The following TNRC6B variants were observed in gnomAD, a reference collection of about 807,000 sequenced individuals.
TNRC6B encodes trinucleotide repeat containing adaptor 6B, also known as trinucleotide repeat-containing gene 6B protein.
In TNRC6B, 52 loss-of-function variants were observed where a neutral mutation model predicts 203.6. The ratio of observed to expected loss-of-function variants is 0.26; its 90% CI spans 0.20 to 0.32. TNRC6B has a LOEUF of 0.32. Ranked by LOEUF, TNRC6B falls within the 10% of genes least tolerant of loss-of-function variation. TNRC6B has a pLI of 1.00. For synonymous variants in TNRC6B, 838 were observed against 845.7 expected (o/e 0.99, Z 0.16); for missense variants, 1,923 against 2,286.2 (o/e 0.84, Z 3.24).
At chr22:40,251,126 C>T in intron 2 of TNRC6B, 53 bp from the exon 3 acceptor site, 1 of 1,449,012 alleles carries the variant, frequency 6.9e-7, no homozygotes, top group Non-Finnish European at 9.3e-7. Flanking sequence ...TCTGAAAATA[C>T]AGTACTGAAT....
At chr22:40,241,288 T>C (rs142294755) in intron 1 of TNRC6B, among the ~76,000 whole-genome samples, 27 of 152,324 alleles carry the variant, frequency 1.8e-4, no homozygotes, top group African/African-American at 6.5e-4. Context: ...AAAAAGAACA[T>C]TCTGGTGTAA....
intron 1 of TNRC6B, among the ~76,000 whole-genome samples, chr22:40,201,735 A>G (rs902682452): frequency 2.0e-5 from 3 of 151,974 alleles, no homozygotes; most frequent in Non-Finnish European, 4.4e-5. Flanking sequence ...TCCATTTTCA[A>G]ATACAGGTTG....
chr22:40,051,120 G>C (rs60376299), intron 1 of TNRC6B, among the ~76,000 whole-genome samples: 6,745 of 152,236 alleles, frequency 0.044, 453 homozygotes, highest in African/African-American at 0.15. Flanking sequence ...ACCGCACCCA[G>C]CCTATCCTGT....
chr22:40,275,630 T>TC (rs779962789), intron 7 of TNRC6B, among the ~76,000 whole-genome samples: 7 of 151,998 alleles, frequency 4.6e-5, no homozygotes, highest in Non-Finnish European at 1.0e-4. Flanking sequence ...AACTCCCCAT[T>TC]CCCCCCTCCC....
At chr22:40,256,829 G>A (rs1346926717) in intron 3 of TNRC6B, among the ~76,000 whole-genome samples, 2 of 152,216 alleles carry the variant, frequency 1.3e-5, no homozygotes, top group East Asian at 1.9e-4. Flanking sequence ...GAAATGGGAG[G>A]GAGGGAATGA....
intron 12 of TNRC6B, among the ~76,000 whole-genome samples, chr22:40,297,105 T>A (rs549251841): frequency 3.0e-4 from 46 of 152,352 alleles, no homozygotes; most frequent in African/African-American, 1.0e-3. Flanking sequence ...ATACATTCCC[T>A]TCATTGATTG....
chr22:40,065,121 G>A (rs2067885088), intron 1 of TNRC6B, among the ~76,000 whole-genome samples: 1 of 151,694 alleles, frequency 6.6e-6, no homozygotes, highest in Non-Finnish European at 1.5e-5. Context: ...GGGTGGGGGT[G>A]GAGGGAGGGT....
intron 1 of TNRC6B, among the ~76,000 whole-genome samples, chr22:40,065,619 T>C (rs1013009034): frequency 6.6e-6 from 1 of 152,192 alleles, no homozygotes; most frequent in African/African-American, 2.4e-5. Flanking sequence ...TTTTATTGGA[T>C]GCTAAACTTT....
At chr22:40,316,445 TG>T (rs1569067511) in intron 21 of TNRC6B, among the ~76,000 whole-genome samples, 1 of 151,946 alleles carries the variant, frequency 6.6e-6, no homozygotes, top group Non-Finnish European at 1.5e-5. Context: ...GCGAGAGGAT[TG>T]CTTGAAGCCA....
In TNRC6B at chr22:40,270,215, A is replaced by T. The variant is rs759473882; in HGVS notation, c.2900A>T (p.Asp967Val). 1.6e-5 allele frequency: 24 copies of T among 1,539,548 alleles called. No homozygotes were observed. Among genetic ancestry groups the T allele is most frequent in the Non-Finnish European group, 2.0e-5 (23 of 1,139,966 alleles). Residue 967 changes from aspartate (D) to valine (V), a missense_variant, in exon 6 of 23, where the codon GAT (aspartate) becomes GTT (valine). Asp to Val is a radical substitution (Grantham distance 152). Transcript: ENST00000454349. ...ESSPGWGEMD[D>V]TGASTTGWGN... is the part of the protein sequence containing the mutation. ...AGTCCTGGGTGGGGCGAGATGGATG[A>T]TACAGGAGCATCGACCACAGGCTGG...
intron 2 of TNRC6B, among the ~76,000 whole-genome samples, chr22:40,248,005 G>T (rs1410004780): frequency 6.6e-6 from 1 of 152,066 alleles, no homozygotes; most frequent in Non-Finnish European, 1.5e-5. Context: ...AGCCCAGGAG[G>T]GGGAGGTTGC....
intron 4 of TNRC6B, among the ~76,000 whole-genome samples, chr22:40,264,266 A>G (rs1003773760): frequency 4.6e-5 from 7 of 152,200 alleles, no homozygotes; most frequent in African/African-American, 1.7e-4. Flanking sequence ...CAAGGAGTTC[A>G]GCTTTATTCT....
intron 1 of TNRC6B, among the ~76,000 whole-genome samples, chr22:40,088,743 C>A (rs2068123520): frequency 6.6e-6 from 1 of 151,824 alleles, no homozygotes; most frequent in South Asian, 2.1e-4. Context: ...GTGTGAGCCA[C>A]CTTGCCCAGC....
At chr22:40,263,486 G>T (rs1383885612) in intron 4 of TNRC6B, among the ~76,000 whole-genome samples, 1 of 152,180 alleles carries the variant, frequency 6.6e-6, no homozygotes, top group African/African-American at 2.4e-5. Flanking sequence ...TGGAGACTGG[G>T]GTCCAGTGTG....
chr22:40,128,601 GCAGCCTCAAC>G (rs962378511), intron 3 of TNRC6B, among the ~76,000 whole-genome samples: 20 of 151,338 alleles, frequency 1.3e-4, no homozygotes, highest in African/African-American at 4.9e-4. Context: ...ACAGCTCACT[GCAGCCTCAAC>G]CACCCAGCCT....
rs1465969592 is a variant in TNRC6B, at chr22:40,332,290, T to C, written c.*9049T>C. ...CTGTTGCTTGTCAGGCAAAAAAGTT[T>C]TCTCTTCCTACCCACCATCCCTCTC... On this transcript the variant is annotated 3_prime_UTR_variant, in exon 23 of 23. Coordinates refer to ENST00000454349, the MANE Select transcript of TNRC6B (RefSeq NM_001162501.2). 6.6e-6 allele frequency: 1 copy of C among 152,542 alleles called. No homozygotes were observed. The highest frequency in any genetic ancestry group is 1.5e-5 in the Non-Finnish European group (1 of 68,028). The allele number at this position is 152,542 out of a possible 1,614,324, so 9.4% of individuals were successfully genotyped here. A position where few individuals can be genotyped will look rare whatever the true frequency, so the allele number is the denominator to read the frequency against.
chr22:40,299,182 G>A (rs962574739), intron 12 of TNRC6B, among the ~76,000 whole-genome samples: 6 of 149,690 alleles, frequency 4.0e-5, no homozygotes, highest in African/African-American at 1.2e-4. Context: ...AAACAAAACT[G>A]GGGAGGCAGG....
intron 1 of TNRC6B, among the ~76,000 whole-genome samples, chr22:40,079,835 G>A (rs1228808645): frequency 1.3e-5 from 2 of 151,590 alleles, no homozygotes; most frequent in African/African-American, 2.4e-5. Flanking sequence ...TCGCTCTGTC[G>A]CCTAGGCTGG....
chr22:40,205,235 A>G (rs2069464129), intron 1 of TNRC6B, among the ~76,000 whole-genome samples: 1 of 152,216 alleles, frequency 6.6e-6, no homozygotes, highest in Non-Finnish European at 1.5e-5. Flanking sequence ...TAGAAGTTTA[A>G]TAAATATTTG....
Sources: allele counts gnomAD v4.1 joint callset (sites outside exome capture counted in the v4.1 genomes callset), GRCh38; gene constraint gnomAD v4.1.1; transcripts MANE v1.5; gene names NCBI Gene and HGNC (gene_info 2026-07-23, HGNC 2026-07-21).